Variants in ZFHX3 observed in about 807,000 individuals in gnomAD.
ZFHX3 encodes zinc finger homeobox protein 3.
In ZFHX3, 42 loss-of-function variants were observed where a neutral mutation model predicts 279.1. The observed-to-expected ratio is 0.15, with a 90% CI of 0.12 to 0.19. The LOEUF is 0.19. ZFHX3 is among the 10% of genes least tolerant of loss of function. The pLI is 1.00. For missense variants in ZFHX3, 4,981 were observed against 4,754.0 expected (o/e 1.05, Z -1.40); for synonymous variants, 2,293 against 1,957.8 (o/e 1.17, Z -4.52).
intron 1 of ZFHX3, among the ~76,000 whole-genome samples, chr16:73,783,199 G>GA (rs754175125): frequency 8.5e-5 from 13 of 152,258 alleles, no homozygotes; most frequent in Non-Finnish European, 1.6e-4. Flanking sequence ...TGCAACCAAT[G>GA]ACTAGTTAAT....
chr16:72,861,724 G>T (rs1226865448), intron 4 of ZFHX3, among the ~76,000 whole-genome samples: 2 of 152,180 alleles, frequency 1.3e-5, no homozygotes, highest in Non-Finnish European at 2.9e-5. Flanking sequence ...CACAAGAATA[G>T]ATAGAACCCG....
At chr16:73,314,602 G>A (rs941631312) in intron 4 of ZFHX3, among the ~76,000 whole-genome samples, 1 of 152,088 alleles carries the variant, frequency 6.6e-6, no homozygotes, top group Non-Finnish European at 1.5e-5. Context: ...TTATGATCTA[G>A]GTGACATGAA....
Position 73,592,904 on chromosome 16 carries a change from G to GA in ZFHX3, c.-1547+87275dup, listed in dbSNP as rs550552315. Among the ~76,000 whole-genome samples the GA allele has an allele frequency of 2.5e-3, 386 of 151,778 alleles. 2 individuals carry two copies. The highest frequency in any genetic ancestry group is 9.1e-3 in the African/African-American group (378 of 41,420). ...GGTAAGACAAACCAAGAAAACAATG[G>GA]AAAAGGATAAAAAACAGTATTAGTA... On this transcript the variant is annotated intron_variant, in intron 2 of 17. Transcript: ENST00000641206.
chr16:73,296,102 G>A (rs2014903697), intron 4 of ZFHX3, among the ~76,000 whole-genome samples: 1 of 148,496 alleles, frequency 6.7e-6, no homozygotes, highest in African/African-American at 2.5e-5. Flanking sequence ...GTGTGTGTGT[G>A]TCTGTGTTTC....
At chr16:72,813,917 A>G (rs1436896217) in intron 5 of ZFHX3, among the ~76,000 whole-genome samples, 1 of 152,140 alleles carries the variant, frequency 6.6e-6, no homozygotes, top group Non-Finnish European at 1.5e-5. Flanking sequence ...GCCGCTCCTG[A>G]ACACATCTAC....
At chr16:72,800,195 A>C in intron 7 of ZFHX3, 66 bp from the exon 8 acceptor site, 1 of 1,405,104 alleles carries the variant, frequency 7.1e-7, no homozygotes, top group Admixed American at 1.7e-5. Flanking sequence ...AATGTTTAAA[A>C]ATTATTTAAT....
chr16:72,796,169 A>C lies in ZFHX3; in HGVS notation c.6513T>G (p.Ser2171Arg). ...CTGCCATCTCTTTTATTTGCTCTTC[A>C]CTGGGGGAGTTGTTAATGTCAAAAT... ...RQYFDINNSP[S>R]EEQIKEMADK... Residue 2171 changes from serine to arginine, a missense_variant, in exon 9 of 10, where the codon AGT becomes AGG. By Grantham distance (110) the Ser-to-Arg change is moderately radical. This residue lies in a region of ZFHX3 where 177 missense variants were observed against 244.2 expected (regional missense o/e 0.72). Transcript: ENST00000268489. 6.2e-7 allele frequency: 1 copy of C among 1,614,020 alleles called. No homozygotes were observed. Among genetic ancestry groups the C allele is most frequent in the Non-Finnish European group, 8.5e-7 (1 of 1,180,004 alleles).
At chr16:73,718,615 T>TTTA (rs1360296224) in intron 1 of ZFHX3, among the ~76,000 whole-genome samples, 4 of 50,554 alleles carry the variant, frequency 7.9e-5, no homozygotes, top group African/African-American at 1.4e-4. Flanking sequence ...TTATTTATTA[T>TTTA]TTATTTATTT....
At chr16:73,470,378 T>C (rs536120034) in intron 2 of ZFHX3, among the ~76,000 whole-genome samples, 1 of 152,352 alleles carries the variant, frequency 6.6e-6, no homozygotes, top group East Asian at 1.9e-4. Flanking sequence ...GGTCTGTATC[T>C]GCCTTCACGT....
intron 3 of ZFHX3, among the ~76,000 whole-genome samples, chr16:73,356,210 G>A (rs540125491): frequency 2.0e-5 from 3 of 152,230 alleles, no homozygotes; most frequent in South Asian, 4.2e-4. Context: ...AAGCTACTTC[G>A]GTCTCCAGAA....
chr16:73,422,197 ATTT>A (rs34462342), intron 3 of ZFHX3, among the ~76,000 whole-genome samples: 8 of 144,624 alleles, frequency 5.5e-5, no homozygotes, highest in African/African-American at 1.5e-4. Context: ...TTTTCAGAAG[ATTT>A]TTTTTTTTTT....
chr16:73,525,661 G>A (rs2019678420), intron 2 of ZFHX3, among the ~76,000 whole-genome samples: 1 of 152,146 alleles, frequency 6.6e-6, no homozygotes, highest in African/African-American at 2.4e-5. Context: ...AAGGTAAAAG[G>A]ATGGAAGTCC....
upstream of ZFHX3, among the ~76,000 whole-genome samples, chr16:73,051,819 C>T (rs1965455257): frequency 6.6e-6 from 1 of 152,046 alleles, no homozygotes; most frequent in East Asian, 1.9e-4. Flanking sequence ...TTTCTCGCTC[C>T]TTCTTTTTTA....
intron 2 of ZFHX3, among the ~76,000 whole-genome samples, chr16:73,552,295 C>T (rs1475556156): frequency 6.6e-6 from 1 of 152,134 alleles, no homozygotes; most frequent in African/African-American, 2.4e-5. Flanking sequence ...CAAAGTCAAG[C>T]AAGAGCCTAA....
chr16:73,698,429 C>A (rs1281675298), intron 1 of ZFHX3, among the ~76,000 whole-genome samples: 1 of 151,988 alleles, frequency 6.6e-6, no homozygotes, highest in African/African-American at 2.4e-5. Flanking sequence ...ACATTTGAGT[C>A]TCAAGAACTC....
At chr16:73,688,935 T>G (rs1056646303) in intron 1 of ZFHX3, among the ~76,000 whole-genome samples, 5 of 152,156 alleles carry the variant, frequency 3.3e-5, no homozygotes, top group African/African-American at 1.2e-4. Context: ...CCACCATGAT[T>G]GTGAGGCCTC....
At chr16:72,888,490 C>A (rs1211770518) in intron 4 of ZFHX3, among the ~76,000 whole-genome samples, 2 of 152,160 alleles carry the variant, frequency 1.3e-5, no homozygotes, top group African/African-American at 4.8e-5. Flanking sequence ...TTTGGCAGCA[C>A]CAGGACACAA....
chr16:73,436,409 T>G (rs1178290476), intron 3 of ZFHX3, among the ~76,000 whole-genome samples: 1 of 152,130 alleles, frequency 6.6e-6, no homozygotes, highest in Non-Finnish European at 1.5e-5. Flanking sequence ...ACGTCTTACA[T>G]GGCAGCAGAC....
chr16:73,833,183 CA>C (rs538242392), intron 1 of ZFHX3, among the ~76,000 whole-genome samples: 180 of 152,206 alleles, frequency 1.2e-3, no homozygotes, highest in African/African-American at 4.2e-3. Context: ...GGCGACGTAG[CA>C]AGACCTCATC....
Sources: gnomAD v4.1 joint callset for allele counts (sites outside exome capture counted in the v4.1 genomes callset) on GRCh38, gnomAD v4.1.1 for gene constraint, gnomAD v4.1.1 regional missense constraint, MANE v1.5 for transcripts, NCBI Gene and HGNC (gene_info 2026-07-23, HGNC 2026-07-21) for gene names.